Variants in EHBP1 observed in about 807,000 individuals in gnomAD.
The protein encoded by EHBP1 is EH domain-binding protein 1.
A neutral mutation model predicts 144.0 loss-of-function variants in EHBP1; 55 were observed. The ratio of observed to expected loss-of-function variants is 0.38; its 90% CI spans 0.31 to 0.48. The LOEUF (loss-of-function observed/expected upper bound fraction) is 0.48. Among genes scored for constraint, EHBP1 ranks in the 20% least tolerant of loss-of-function variants. The pLI, the probability that EHBP1 is intolerant of heterozygous loss-of-function variation, is 0.98. For missense variants in EHBP1, 1,200 were observed against 1,364.2 expected (o/e 0.88, Z 1.90); for synonymous variants, 469 against 472.7 (o/e 0.99, Z 0.10).
At position 62,940,916 on chromosome 2, in the gene EHBP1, T is replaced by C. The variant is rs144375134; in HGVS notation, c.1186-1802T>C. 9.2e-5 allele frequency among the ~76,000 whole-genome samples: 14 copies of C among 152,290 alleles called. No individual in the cohort carries two copies. The East Asian group carries it at 2.3e-3, about 25-fold the overall frequency. ...GATGTAATATGTTTTCTTTAGTTCT[T>C]ACATACAGAAAGCCATCTAGATCAT... On this transcript the variant is annotated intron_variant, in intron 10 of 22. Coordinates refer to ENST00000431489, the MANE Select transcript of EHBP1 (RefSeq NM_001142616.3).
At chr2:62,956,905 C>T (rs2057731485) in intron 14 of EHBP1, among the ~76,000 whole-genome samples, 1 of 152,192 alleles carries the variant, frequency 6.6e-6, no homozygotes, top group African/African-American at 2.4e-5. Flanking sequence ...GGTCTCTCTA[C>T]TTCTCTAGTG....
At chr2:62,881,417 G>GAA (rs2051404254) in intron 10 of EHBP1, among the ~76,000 whole-genome samples, 3 of 83,254 alleles carry the variant, frequency 3.6e-5, no homozygotes, top group South Asian at 7.2e-4. Flanking sequence ...AAGGAAAAAC[G>GAA]GAAAAAAAAA....
At chr2:62,892,097 G>A (rs893425368) in intron 10 of EHBP1, among the ~76,000 whole-genome samples, 2 of 151,974 alleles carry the variant, frequency 1.3e-5, no homozygotes, top group East Asian at 1.9e-4. Flanking sequence ...TTTTTTATGC[G>A]CATTTACATC....
At chr2:62,694,997 AGAG>A (rs1220679986) in intron 1 of EHBP1, among the ~76,000 whole-genome samples, 1 of 152,356 alleles carries the variant, frequency 6.6e-6, no homozygotes, top group African/African-American at 2.4e-5. Context: ...AGCCAGAATT[AGAG>A]GATATGAGGA....
intron 1 of EHBP1, among the ~76,000 whole-genome samples, chr2:62,696,811 C>G (rs1441098904): frequency 6.6e-6 from 1 of 152,102 alleles, no homozygotes; most frequent in African/African-American, 2.4e-5. Context: ...GCCACCACGC[C>G]TGACCTTTTT....
chr2:62,752,398 A>T (rs1477883164), intron 3 of EHBP1, among the ~76,000 whole-genome samples: 1 of 152,206 alleles, frequency 6.6e-6, no homozygotes, highest in Non-Finnish European at 1.5e-5. Context: ...TTTACTTCCA[A>T]CTGTGTGGTT....
chr2:62,769,573 GC>G (rs2041467733), intron 4 of EHBP1, among the ~76,000 whole-genome samples: 2 of 152,036 alleles, frequency 1.3e-5, no homozygotes, highest in African/African-American at 4.8e-5. Flanking sequence ...TCATTAAAAT[GC>G]CATACTGCCC....
At chr2:62,734,557 A>C (rs996715121) in intron 2 of EHBP1, among the ~76,000 whole-genome samples, 2 of 152,212 alleles carry the variant, frequency 1.3e-5, no homozygotes, top group African/African-American at 4.8e-5. Flanking sequence ...TATTTAAAGT[A>C]GGTTTCTTAT....
chr2:62,674,323 T>C (rs2033209081), intron 1 of EHBP1, among the ~76,000 whole-genome samples: 1 of 152,212 alleles, frequency 6.6e-6, no homozygotes, highest in Non-Finnish European at 1.5e-5. Context: ...AGCATTCACC[T>C]GGCTGCTAGG....
intron 10 of EHBP1, among the ~76,000 whole-genome samples, chr2:62,905,563 A>G (rs1331098680): frequency 6.6e-6 from 1 of 151,988 alleles, no homozygotes; most frequent in Non-Finnish European, 1.5e-5. Context: ...AGCAGCTCAT[A>G]CCTATAATCC....
At chr2:62,820,248 T>C (rs1233654237) in intron 5 of EHBP1, among the ~76,000 whole-genome samples, 2 of 149,634 alleles carry the variant, frequency 1.3e-5, no homozygotes, top group Non-Finnish European at 3.0e-5. Context: ...AAGAACATGA[T>C]GTTGAAGATA....
chr2:62,872,973 C>G (rs978809054), intron 9 of EHBP1, among the ~76,000 whole-genome samples: 1 of 152,144 alleles, frequency 6.6e-6, no homozygotes, highest in African/African-American at 2.4e-5. Flanking sequence ...TAGTGCCTAA[C>G]CAGTAGTGGT....
intron 10 of EHBP1, among the ~76,000 whole-genome samples, chr2:62,930,531 T>G (rs2055900588): frequency 6.6e-6 from 1 of 152,216 alleles, no homozygotes; most frequent in Non-Finnish European, 1.5e-5. Context: ...AAATCCATGT[T>G]AATATTCATT....
intron 20 of EHBP1, among the ~76,000 whole-genome samples, chr2:63,038,172 T>G (rs2061521445): frequency 6.6e-6 from 1 of 152,140 alleles, no homozygotes; most frequent in South Asian, 2.1e-4. Flanking sequence ...ACCGGAGGAC[T>G]TAAGCACGTT....
chr2:62,843,921 T>C (rs2048107187), intron 7 of EHBP1, among the ~76,000 whole-genome samples: 1 of 152,228 alleles, frequency 6.6e-6, no homozygotes, highest in Non-Finnish European at 1.5e-5. Flanking sequence ...CCTTCCAAGT[T>C]TGAAATTGTT....
intron 10 of EHBP1, among the ~76,000 whole-genome samples, chr2:62,894,958 TGCTGCAGGCAA>T (rs2052775569): frequency 1.3e-5 from 1 of 77,586 alleles, no homozygotes; most frequent in African/African-American, 5.2e-5. Flanking sequence ...AGAGAGAGAA[TGCTGCAGGCAA>T]GCAGGCAGGC....
intron 1 of EHBP1, among the ~76,000 whole-genome samples, chr2:62,698,404 A>C (rs572127608): frequency 1.3e-5 from 2 of 152,352 alleles, no homozygotes; most frequent in Admixed American, 1.3e-4. Flanking sequence ...GGGCTCTCTC[A>C]ATATAGGTAA....
At chr2:62,811,921 T>G (rs1420741994) in intron 5 of EHBP1, among the ~76,000 whole-genome samples, 1 of 152,176 alleles carries the variant, frequency 6.6e-6, no homozygotes, top group Non-Finnish European at 1.5e-5. Flanking sequence ...CCAAAGTTCT[T>G]GTGTTGGAAA....
intron 13 of EHBP1, among the ~76,000 whole-genome samples, chr2:62,950,233 C>A (rs2057304623): frequency 1.3e-5 from 2 of 151,868 alleles, no homozygotes; most frequent in Admixed American, 1.3e-4. Context: ...TTCTCCAAGT[C>A]CCTTTCAGAG....
Sources: allele counts gnomAD v4.1 joint callset (sites outside exome capture counted in the v4.1 genomes callset), GRCh38; gene constraint gnomAD v4.1.1; transcripts MANE v1.5; gene names NCBI Gene and HGNC (gene_info 2026-07-23, HGNC 2026-07-21).